The following ITPR2 variants were observed in gnomAD, a reference collection of about 807,000 sequenced individuals.
ITPR2 encodes the protein inositol 1,4,5-trisphosphate receptor type 2, also known as inositol 1,4,5-trisphosphate-gated calcium channel ITPR2.
ITPR2 carries 207 observed loss-of-function variants against 317.1 expected under a neutral mutation model. The ratio of observed to expected loss-of-function variants is 0.65; its 90% CI spans 0.58 to 0.73. The LOEUF is 0.73. ITPR2 is among the 30% of genes least tolerant of loss of function. The pLI, the probability that ITPR2 is intolerant of heterozygous loss-of-function variation, is 0.00. For missense variants in ITPR2, 2,613 were observed against 3,284.0 expected (o/e 0.80, Z 4.99); for synonymous variants, 1,156 against 1,149.1 (o/e 1.01, Z -0.12).
At chr12:26,378,166 A>T (rs1939400538) in intron 55 of ITPR2, among the ~76,000 whole-genome samples, 2 of 152,068 alleles carry the variant, frequency 1.3e-5, no homozygotes, top group South Asian at 4.2e-4. Context: ...AAGAATAAAC[A>T]CTCCAATAAA....
chr12:26,718,729 C>T (rs1440707385), intron 5 of ITPR2, among the ~76,000 whole-genome samples: 1 of 151,970 alleles, frequency 6.6e-6, no homozygotes, highest in Non-Finnish European at 1.5e-5. Context: ...CTTGCCTCAG[C>T]CTCCCAAGTA....
chr12:26,627,979 T>C (rs1456117855), intron 23 of ITPR2, 54 bp downstream of exon 23: 3 of 1,470,848 alleles, frequency 2.0e-6, no homozygotes, highest in East Asian at 4.6e-5. Context: ...ATAGGTACTT[T>C]CAAGTTCTCA....
chr12:26,527,798 T>G (rs1591860280), intron 37 of ITPR2, among the ~76,000 whole-genome samples: 3 of 152,142 alleles, frequency 2.0e-5, no homozygotes, highest in Non-Finnish European at 2.9e-5. Flanking sequence ...ATAAAGGTAA[T>G]GACAATTTAC....
At chr12:26,719,293 GCTTT>G (rs1161535246) in intron 5 of ITPR2, among the ~76,000 whole-genome samples, 1 of 152,180 alleles carries the variant, frequency 6.6e-6, no homozygotes. Flanking sequence ...GGGGTCAGGT[GCTTT>G]CTGAGAAGCT....
chr12:26,735,388 G>A (rs1949103802), intron 2 of ITPR2, among the ~76,000 whole-genome samples: 1 of 152,132 alleles, frequency 6.6e-6, no homozygotes, highest in Non-Finnish European at 1.5e-5. Context: ...AAGAGAAAGG[G>A]AAAGGGAAAG....
chr12:26,572,311 G>A (rs2137056981), intron 34 of ITPR2, among the ~76,000 whole-genome samples: 1 of 152,262 alleles, frequency 6.6e-6, no homozygotes, highest in Non-Finnish European at 1.5e-5. Context: ...AGTCATTCAT[G>A]CTAAGTGCCA....
At chr12:26,403,044 C>T (rs1456843785) in intron 52 of ITPR2, among the ~76,000 whole-genome samples, 3 of 152,190 alleles carry the variant, frequency 2.0e-5, no homozygotes, top group Non-Finnish European at 2.9e-5. Flanking sequence ...AAAACAGATG[C>T]ATATCTCACA....
At chr12:26,781,990 C>CTATATATA (rs1491564819) in intron 2 of ITPR2, among the ~76,000 whole-genome samples, 3 of 60,318 alleles carry the variant, frequency 5.0e-5, no homozygotes, top group Admixed American at 2.5e-4. Flanking sequence ...ATAAACTCCC[C>CTATATATA]TGTATATATA....
In ITPR2 at chr12:26,493,552, A is replaced by G. The variant is rs140974650; in HGVS notation, c.5370+601T>C. On this transcript the variant is annotated intron_variant, in intron 39 of 56. Coordinates refer to ENST00000381340, the MANE Select transcript of ITPR2 (RefSeq NM_002223.4). ...TTATTGTATATTTTCAAACAGCTAG[A>G]AAAGTGAATTTTGAGTGTTCCCAAC... Among the ~76,000 whole-genome samples, 76 of 152,322 alleles carry G rather than the reference A, an allele frequency of 5.0e-4. 1 individual carries two copies. The highest frequency in any genetic ancestry group is 4.3e-3 in the Admixed American group (66 of 15,308).
At chr12:26,799,222 A>C (rs1950511887) in intron 1 of ITPR2, among the ~76,000 whole-genome samples, 1 of 152,240 alleles carries the variant, frequency 6.6e-6, no homozygotes, top group Non-Finnish European at 1.5e-5. Flanking sequence ...TCCATGAAAG[A>C]CATAATTAAC....
chr12:26,580,322 A>ATC (rs1945372913), intron 32 of ITPR2, among the ~76,000 whole-genome samples, 167 bp from the exon 33 acceptor site: 1 of 152,174 alleles, frequency 6.6e-6, no homozygotes, highest in Non-Finnish European at 1.5e-5. Context: ...TGATAATTGT[A>ATC]TCAATCTTCA....
chr12:26,348,345 G>T (rs942717902), intron 55 of ITPR2, among the ~76,000 whole-genome samples: 4 of 152,200 alleles, frequency 2.6e-5, no homozygotes, highest in Admixed American at 6.5e-5. Context: ...CGTGGTTATG[G>T]GGGCGTGTCT....
intron 32 of ITPR2, among the ~76,000 whole-genome samples, chr12:26,581,094 T>A (rs567770968): frequency 7.2e-5 from 11 of 152,346 alleles, no homozygotes; most frequent in African/African-American, 2.6e-4. Context: ...ATGTTCCAGA[T>A]GTTCTTAGAC....
At chr12:26,644,455 A>G (rs985517906) in intron 21 of ITPR2, among the ~76,000 whole-genome samples, 1 of 152,168 alleles carries the variant, frequency 6.6e-6, no homozygotes, top group Non-Finnish European at 1.5e-5. Context: ...CTATTCTCAC[A>G]CTGCTAATAA....
chr12:26,664,564 T>C (rs539718068), intron 14 of ITPR2, among the ~76,000 whole-genome samples: 2 of 152,300 alleles, frequency 1.3e-5, no homozygotes, highest in African/African-American at 4.8e-5. Flanking sequence ...AAATTGTCTA[T>C]GAAAGAGCGG....
chr12:26,472,443 G>A (rs1262997208), intron 45 of ITPR2, among the ~76,000 whole-genome samples: 4 of 149,364 alleles, frequency 2.7e-5, no homozygotes, highest in African/African-American at 4.9e-5. Context: ...TTGGACCTTC[G>A]TTGCTCTACA....
At chr12:26,369,898 G>A (rs904293399) in intron 55 of ITPR2, among the ~76,000 whole-genome samples, 1 of 152,128 alleles carries the variant, frequency 6.6e-6, no homozygotes, top group African/African-American at 2.4e-5. Flanking sequence ...TCATGCCTAC[G>A]TAATGAAACC....
intron 37 of ITPR2, among the ~76,000 whole-genome samples, chr12:26,519,591 A>G (rs146664583): frequency 6.6e-6 from 1 of 152,366 alleles, no homozygotes; most frequent in Non-Finnish European, 1.5e-5. Flanking sequence ...GGCATTCTCA[A>G]TAAGGCCGGA....
chr12:26,479,744 A>G (rs1362773848), intron 43 of ITPR2, among the ~76,000 whole-genome samples: 1 of 152,128 alleles, frequency 6.6e-6, no homozygotes, highest in African/African-American at 2.4e-5. Context: ...ATTACAACTG[A>G]AAACATGAAA....
Sources: allele counts gnomAD v4.1 joint callset (sites outside exome capture counted in the v4.1 genomes callset), GRCh38; gene constraint gnomAD v4.1.1; transcripts MANE v1.5; gene names NCBI Gene and HGNC (gene_info 2026-07-23, HGNC 2026-07-21).